MTUS1: variants seen among roughly 807,000 people sequenced by gnomAD.
MTUS1 encodes microtubule associated scaffold protein 1.
In MTUS1, 109 loss-of-function variants were observed where a neutral mutation model predicts 120.8. The ratio of observed to expected loss-of-function variants is 0.90; its 90% confidence interval spans 0.77 to 1.06. The LOEUF is 1.06. MTUS1 is among the 50% of genes least tolerant of loss of function. MTUS1 has a pLI of 0.00. For missense variants in MTUS1, 2,210 were observed against 1,486.3 expected (o/e 1.49, Z -8.01); for synonymous variants, 737 against 550.5 (o/e 1.34, Z -4.74).
chr8:17,759,449 T>C (rs1401554236), intron 1 of MTUS1, among the ~76,000 whole-genome samples: 2 of 151,346 alleles, frequency 1.3e-5, no homozygotes, highest in African/African-American at 4.8e-5. Flanking sequence ...AAAAACTTTT[T>C]GTAGAAAAGG....
chr8:17,747,090 T>C (rs17690772), intron 2 of MTUS1, among the ~76,000 whole-genome samples: 6,721 of 152,254 alleles, frequency 0.044, 252 homozygotes, highest in East Asian at 0.18. Context: ...CAAACTCGAA[T>C]AGGGTTAGAC....
intron 2 of MTUS1, among the ~76,000 whole-genome samples, chr8:17,752,261 G>A (rs2048257302): frequency 6.6e-6 from 1 of 152,044 alleles, no homozygotes; most frequent in South Asian, 2.1e-4. Context: ...GCTGGGGACT[G>A]ACACACCAAA....
At chr8:17,646,630 T>C (rs1021608440) in intron 14 of MTUS1, among the ~76,000 whole-genome samples, 1 of 152,180 alleles carries the variant, frequency 6.6e-6, no homozygotes, top group Non-Finnish European at 1.5e-5. Flanking sequence ...GGCAATTTCA[T>C]AGTAGGCTGA....
chr8:17,754,952 C>A lies in MTUS1; in HGVS notation c.856G>T (p.Glu286Ter), dbSNP rs372682570. The A allele has an allele frequency of 1.5e-5, 24 of 1,613,970 alleles. No individual in the cohort carries two copies. Among genetic ancestry groups the A allele is most frequent in the Non-Finnish European group, 2.0e-5 (24 of 1,179,974 alleles). ...GGTGTTAGTGCTTGTGTCTCCTTTT[C>A]TCCAACTAGTCTTTGTTGTGATCCA... ...TDGSQQRLVGEKETQALTPVS... is the reference protein window; with the variant it reads ...TDGSQQRLVG Residue 286 changes from glutamate to a stop codon, truncating the protein, a stop_gained, in exon 2 of 15, where the codon GAA becomes TAA. Transcript: ENST00000693296. LOFTEE classifies it high-confidence loss of function.
At chr8:17,682,202 G>C (rs1193304794) in intron 7 of MTUS1, among the ~76,000 whole-genome samples, 3 of 152,064 alleles carry the variant, frequency 2.0e-5, no homozygotes, top group Admixed American at 6.6e-5. Flanking sequence ...AACAGTACAA[G>C]CCTAATGATT....
intron 2 of MTUS1, among the ~76,000 whole-genome samples, chr8:17,747,087 G>A (rs909778983): frequency 3.3e-5 from 5 of 151,950 alleles, no homozygotes; most frequent in African/African-American, 4.8e-5. Context: ...TCTCAAACTC[G>A]AATAGGGTTA....
chr8:17,692,271 C>G (rs1817094053), intron 6 of MTUS1: 1 of 152,144 alleles, frequency 6.6e-6, no homozygotes, highest in South Asian at 2.1e-4. Context: ...AGTCATGTGA[C>G]TAAGACCCGG....
chr8:17,661,559 T>C (rs1809698772), intron 8 of MTUS1, among the ~76,000 whole-genome samples: 1 of 152,048 alleles, frequency 6.6e-6, no homozygotes, highest in Non-Finnish European at 1.5e-5. Context: ...TATGTAATTG[T>C]GGCACATCAG....
At position 17,644,950 on chromosome 8, in the gene MTUS1, ATG is replaced by A. The variant is rs1231796173; in HGVS notation, c.*974_*975del. On this transcript the variant is annotated 3_prime_UTR_variant, in exon 15 of 15. Transcript: ENST00000693296. ...GATGGTGGAGAAAGGTAAAAGGAAAATGAGAATAATGGGAGGGAAGAAGACAG... is the reference window on the plus strand; with the variant it reads ...GATGGTGGAGAAAGGTAAAAGGAAAAAGAATAATGGGAGGGAAGAAGACAG... 1 of 152,356 alleles carries A rather than the reference ATG, an allele frequency of 6.6e-6. No individual in the cohort carries two copies. The highest frequency in any genetic ancestry group is 1.5e-5 in the Non-Finnish European group (1 of 68,034). 9.4% of individuals were successfully genotyped at this position (152,356 alleles called of 1,614,324 possible). A position where few individuals can be genotyped will look rare whatever the true frequency, so the allele number is the denominator to read the frequency against.
At chr8:17,662,936 A>ATC (rs1226531485) in intron 8 of MTUS1, among the ~76,000 whole-genome samples, 1 of 152,094 alleles carries the variant, frequency 6.6e-6, no homozygotes, top group African/African-American at 2.4e-5. Flanking sequence ...GTACAAAAAC[A>ATC]TCTCTAAAAT....
Position 17,755,593 on chromosome 8 carries a change from A to T in MTUS1, c.215T>A (p.Leu72Ter), listed in dbSNP as rs966944897. 1 of 1,614,158 alleles carries T rather than the reference A, an allele frequency of 6.2e-7. No individual in the cohort carries two copies. The highest frequency in any genetic ancestry group is 8.5e-7 in the Non-Finnish European group (1 of 1,180,020). ...AAATACTTCAACACCCTGAAGGCTTAAAGAAATATTTTCACCAGTAACTAC... is the reference window on the plus strand; with the variant it reads ...AAATACTTCAACACCCTGAAGGCTTTAAGAAATATTTTCACCAGTAACTAC... ...PAVVTGENIS[L>*]SLQGVEVFGH... The change falls in exon 2 of 15, where the codon TTA (leucine) becomes TAA (stop). Residue 72 changes from leucine (L) to a stop codon, truncating the protein, a stop_gained. Transcript: ENST00000693296. LOFTEE classifies it high-confidence loss of function.
chr8:17,760,488 C>T (rs188308412), intron 1 of MTUS1, among the ~76,000 whole-genome samples: 1 of 152,270 alleles, frequency 6.6e-6, no homozygotes, highest in Admixed American at 6.5e-5. Flanking sequence ...GTCACCACCA[C>T]CACCACCATG....
At chr8:17,793,398 G>A (rs1327058264) in intron 1 of MTUS1, among the ~76,000 whole-genome samples, 1 of 152,086 alleles carries the variant, frequency 6.6e-6, no homozygotes, top group Non-Finnish European at 1.5e-5. Context: ...AGGGCAAGAG[G>A]AGAGGGCAAG....
At position 17,644,996 on chromosome 8, in the gene MTUS1, G is replaced by C. The variant is rs1805507845; in HGVS notation, c.*930C>G. On this transcript the variant is annotated 3_prime_UTR_variant, in exon 15 of 15. Transcript: ENST00000693296. Reference sequence around the variant, plus strand: ...AAGACAGGTTAAATCTGCAAGGGTAGATCAAAGGTAAAAATAAGGTGGAAA... The same window carrying C: ...AAGACAGGTTAAATCTGCAAGGGTACATCAAAGGTAAAAATAAGGTGGAAA... 1 of 152,516 alleles carries C rather than the reference G, an allele frequency of 6.6e-6. No individual in the cohort carries two copies. The allele number at this position is 152,516 out of a possible 1,614,324, so 9.4% of individuals were successfully genotyped here.
intron 8 of MTUS1, among the ~76,000 whole-genome samples, chr8:17,659,047 A>G (rs183662015): frequency 6.6e-6 from 1 of 152,304 alleles, no homozygotes; most frequent in East Asian, 1.9e-4. Flanking sequence ...TAACCCTCAC[A>G]GAGGACCCTC....
intron 6 of MTUS1, among the ~76,000 whole-genome samples, chr8:17,697,913 A>C (rs2979790): frequency 0.8 from 121,917 of 152,132 alleles, 48,969 homozygotes; most frequent in Middle Eastern, 0.88. Context: ...TATATTCACA[A>C]TGATAACATG....
chr8:17,758,385 C>T (rs1398031882), intron 1 of MTUS1, among the ~76,000 whole-genome samples: 1 of 152,086 alleles, frequency 6.6e-6, no homozygotes, highest in Non-Finnish European at 1.5e-5. Flanking sequence ...GATTTTGAAT[C>T]CAAAAATGAA....
At chr8:17,750,948 G>T (rs2048141339) in intron 2 of MTUS1, among the ~76,000 whole-genome samples, 1 of 152,216 alleles carries the variant, frequency 6.6e-6, no homozygotes, top group South Asian at 2.1e-4. Flanking sequence ...CCAATGAGCT[G>T]TGAGGTTGCA....
At chr8:17,714,116 G>GT (rs1388570495) in intron 5 of MTUS1, among the ~76,000 whole-genome samples, 2 of 152,154 alleles carry the variant, frequency 1.3e-5, no homozygotes, top group African/African-American at 4.8e-5. Flanking sequence ...AAAAACCACA[G>GT]TTTTCCAACC....
Sources: allele counts gnomAD v4.1 joint callset (sites outside exome capture counted in the v4.1 genomes callset), GRCh38; gene constraint gnomAD v4.1.1; transcripts MANE v1.5; gene names NCBI Gene and HGNC (gene_info 2026-07-23, HGNC 2026-07-21).